Variants in PRKCQ observed in about 807,000 individuals in gnomAD.
PRKCQ encodes protein kinase C theta.
PRKCQ carries 41 observed loss-of-function variants against 91.2 expected under a neutral mutation model. The ratio of observed to expected loss-of-function variants is 0.45; its 90% confidence interval spans 0.35 to 0.58. PRKCQ has a LOEUF of 0.58. PRKCQ is among the 20% of genes least tolerant of loss of function. The probability of loss-of-function intolerance (pLI) is 0.00; values close to 1 mark genes in which losing one functional copy is unlikely to be tolerated. For missense variants in PRKCQ, 673 were observed against 896.5 expected, an observed-to-expected ratio of 0.75 and a Z score of 3.18; for synonymous variants, 307 against 316.9, an observed-to-expected ratio of 0.97 and a Z score of 0.33.
intron 8 of PRKCQ, among the ~76,000 whole-genome samples, 200 bp from the exon 9 acceptor site, chr10:6,486,344 T>C (rs1836919645): frequency 6.6e-6 from 1 of 152,108 alleles, no homozygotes; most frequent in Admixed American, 6.6e-5. Context: ...GACTCAACTC[T>C]GGAGGTGGGG....
intron 4 of PRKCQ, among the ~76,000 whole-genome samples, chr10:6,506,892 T>C (rs539413489): frequency 2.6e-5 from 4 of 152,226 alleles, no homozygotes; most frequent in African/African-American, 9.6e-5. Flanking sequence ...GAAATTTCAC[T>C]TCTGTGGCCA....
intron 4 of PRKCQ, among the ~76,000 whole-genome samples, chr10:6,505,947 A>G (rs2387407): frequency 0.84 from 127,449 of 152,158 alleles, 53,574 homozygotes; most frequent in East Asian, 0.95. Flanking sequence ...TGCCCAGACA[A>G]GACCCTTTTT....
the PRKCQ span, among the ~76,000 whole-genome samples, chr10:6,395,200 A>G: frequency 6.6e-6 from 1 of 151,490 alleles, no homozygotes; most frequent in Admixed American, 6.6e-5. Context: ...AGTAGCTGGG[A>G]CTACAGGTGC....
At chr10:6,450,054 T>C (rs1263826076) in intron 15 of PRKCQ, among the ~76,000 whole-genome samples, 6 of 149,574 alleles carry the variant, frequency 4.0e-5, no homozygotes, top group Non-Finnish European at 7.4e-5. Context: ...GCTAACATCA[T>C]AATGACAGGA....
intron 13 of PRKCQ, among the ~76,000 whole-genome samples, 167 bp downstream of exon 13, chr10:6,464,146 C>G (rs199649517): frequency 6.6e-6 from 1 of 152,092 alleles, no homozygotes; most frequent in Non-Finnish European, 1.5e-5. Context: ...CAAACTGACA[C>G]GAATTTCAGT....
intron 11 of PRKCQ, among the ~76,000 whole-genome samples, chr10:6,482,128 C>T (rs1836636465): frequency 6.6e-6 from 1 of 151,668 alleles, no homozygotes; most frequent in South Asian, 2.1e-4. Flanking sequence ...CAATTTTTTT[C>T]CAGGACTCTC....
intron 15 of PRKCQ, among the ~76,000 whole-genome samples, chr10:6,455,453 A>G (rs1391835949): frequency 6.6e-6 from 1 of 152,252 alleles, no homozygotes; most frequent in Non-Finnish European, 1.5e-5. Flanking sequence ...GCAAAGCTAC[A>G]TAGTTCTAGG....
chr10:6,411,897 C>T, the PRKCQ span, among the ~76,000 whole-genome samples: 1 of 152,134 alleles, frequency 6.6e-6, no homozygotes, highest in Admixed American at 6.5e-5. Flanking sequence ...TGATAGATAA[C>T]ACTTATTTGT....
At chr10:6,510,753 A>C (rs779792159) in intron 3 of PRKCQ, among the ~76,000 whole-genome samples, 1 of 152,204 alleles carries the variant, frequency 6.6e-6, no homozygotes, top group African/African-American at 2.4e-5. Context: ...AATTTATCAT[A>C]GTCTAAGAGA....
intron 15 of PRKCQ, among the ~76,000 whole-genome samples, chr10:6,454,391 C>G (rs541550667): frequency 6.6e-6 from 1 of 152,000 alleles, no homozygotes; most frequent in African/African-American, 2.4e-5. Flanking sequence ...ACCTGGAGAT[C>G]TGGGCGGAGC....
intron 14 of PRKCQ, among the ~76,000 whole-genome samples, chr10:6,460,135 A>T (rs10508308): frequency 0.059 from 8,939 of 152,278 alleles, 606 homozygotes; most frequent in East Asian, 0.35. Flanking sequence ...GATGACTTTC[A>T]AGGGTCTCCT....
chr10:6,462,571 A>G (rs1835411902), intron 13 of PRKCQ, among the ~76,000 whole-genome samples: 1 of 152,222 alleles, frequency 6.6e-6, no homozygotes, highest in Non-Finnish European at 1.5e-5. Context: ...CTCAGTCCTA[A>G]CAGCATAAAA....
the PRKCQ span, among the ~76,000 whole-genome samples, chr10:6,395,213 G>A: frequency 0.033 from 4,943 of 152,050 alleles, 114 homozygotes; most frequent in South Asian, 0.056. Context: ...ACAGGTGCCT[G>A]CCACCGTGCC....
At chr10:6,484,327 T>A (rs1836782522) in intron 10 of PRKCQ, among the ~76,000 whole-genome samples, 1 of 151,854 alleles carries the variant, frequency 6.6e-6, no homozygotes, top group South Asian at 2.1e-4. Flanking sequence ...GGCAGGAGAA[T>A]CCCTTGAACC....
rs962649817 is a variant in PRKCQ at position 6,497,931 on chromosome 10, A to G, written c.542+465T>C. Among the ~76,000 whole-genome samples, 6 of 152,226 alleles carry G rather than the reference A, an allele frequency of 3.9e-5. No homozygotes were observed. Among genetic ancestry groups the G allele is most frequent in the African/African-American group, 7.2e-5 (3 of 41,460 alleles). On this transcript the variant is annotated intron_variant, in intron 5 of 17. Transcript: ENST00000263125. This position sits in a 1 kb window ranked among gnomAD's most constrained non-coding sequence, Gnocchi z 4.5. Reference sequence around the variant, plus strand: ...CTGTCATAGCCTTTGCTATGTGGTTACTGAGGTTTAAACTGATCTGTTTGA... The same window carrying G: ...CTGTCATAGCCTTTGCTATGTGGTTGCTGAGGTTTAAACTGATCTGTTTGA...
intron 12 of PRKCQ, among the ~76,000 whole-genome samples, chr10:6,469,990 T>C (rs1657391659): frequency 6.6e-6 from 1 of 152,162 alleles, no homozygotes; most frequent in South Asian, 2.1e-4. Context: ...CTCAAGCATT[T>C]CCCATGATTC....
At chr10:6,440,223 G>A (rs1241242096) in intron 16 of PRKCQ, among the ~76,000 whole-genome samples, 1 of 152,110 alleles carries the variant, frequency 6.6e-6, no homozygotes, top group Non-Finnish European at 1.5e-5. Context: ...CCAGTATTAG[G>A]TATGTCCTTA....
chr10:6,518,299 A>C (rs1279288050), intron 1 of PRKCQ, among the ~76,000 whole-genome samples: 1 of 152,236 alleles, frequency 6.6e-6, no homozygotes, highest in African/African-American at 2.4e-5. Flanking sequence ...GCTGCATATT[A>C]AATTAAAATC....
At chr10:6,461,202 T>C (rs958495030) in intron 14 of PRKCQ, among the ~76,000 whole-genome samples, 5 of 151,316 alleles carry the variant, frequency 3.3e-5, no homozygotes, top group Non-Finnish European at 7.4e-5. Context: ...TGTCCATCCA[T>C]TCAACCATCC....
Sources: allele counts gnomAD v4.1 joint callset (sites outside exome capture counted in the v4.1 genomes callset), GRCh38; gene constraint gnomAD v4.1.1; non-coding constraint Gnocchi (gnomAD v3.1); transcripts MANE v1.5; gene names NCBI Gene and HGNC (gene_info 2026-07-23, HGNC 2026-07-21).